Variants in BRI3 observed in about 807,000 individuals in gnomAD.
The protein encoded by BRI3 is membrane protein BRI3.
In BRI3, 6 loss-of-function variants were observed where a neutral mutation model predicts 12.8. That is an observed-to-expected ratio of 0.47 (90% confidence interval 0.26 to 0.93). BRI3 has a LOEUF of 0.93. BRI3 is among the 40% of genes least tolerant of loss of function. The pLI is 0.15. For missense variants in BRI3, 134 were observed against 171.1 expected (o/e 0.78, Z 1.21); for synonymous variants, 91 against 76.1 (o/e 1.20, Z -1.02).
downstream of BRI3, chr7:98,310,663 G>GTT (rs1278404391): frequency 6.9e-4 from 642 of 933,510 alleles, no homozygotes; most frequent in Middle Eastern, 1.9e-3. Context: ...TCCCAAGGCT[G>GTT]TTTTTTTTTT....
At chr7:98,307,286 C>T (rs1800695592) in intron 1 of BRI3, 4 of 556,552 alleles carry the variant, frequency 7.2e-6, no homozygotes, top group South Asian at 1.0e-4. Flanking sequence ...TTGTATTTTT[C>T]GTAGAGATGG....
chr7:98,294,053 C>A (rs751704840), downstream of BRI3: 1 of 1,613,230 alleles, frequency 6.2e-7, no homozygotes, highest in South Asian at 1.1e-5. Flanking sequence ...CACTGAGGCT[C>A]ACGTAGGAAG....
At chr7:98,302,922 C>A (rs1800487490), upstream of BRI3, among the ~76,000 whole-genome samples, 1 of 152,144 alleles carries the variant, frequency 6.6e-6, no homozygotes, top group East Asian at 1.9e-4. Flanking sequence ...ACAGCTGGGA[C>A]TACAGACATG....
At chr7:98,281,967 C>T (rs1334728817) in intron 1 of BRI3, 30 bp downstream of exon 1, 1 of 1,286,218 alleles carries the variant, frequency 7.8e-7, no homozygotes, top group Non-Finnish European at 9.8e-7. Flanking sequence ...TCCCCGCCGG[C>T]GGCTTCCGAG....
chr7:98,308,480 C>A (rs764631220), exon 2 of BRI3: 1 of 364,874 alleles, frequency 2.7e-6, no homozygotes, highest in Non-Finnish European at 5.4e-6. Flanking sequence ...CGCCAGGCTC[C>A]CAGGAGGAAG....
At chr7:98,305,960 G>A (rs886483249), upstream of BRI3, among the ~76,000 whole-genome samples, 5 of 152,164 alleles carry the variant, frequency 3.3e-5, no homozygotes, top group African/African-American at 9.7e-5. Flanking sequence ...TGGACCCAGG[G>A]TGACTCCCAA....
In BRI3 at chr7:98,300,636, C is replaced by T. The variant is rs565185474; in HGVS notation, c.72-5847C>T. 1.7e-4 allele frequency among the ~76,000 whole-genome samples: 26 copies of T among 152,234 alleles called. No individual in the cohort carries two copies. In the South Asian group the frequency reaches 4.8e-3, roughly 28 times the overall value. ...TCCCTTTCTCCATTTCACGAGGCCC[C>T]GCTATCCCTCTACCTCCCCAGGAGG... is the stretch of plus-strand genomic sequence containing the variant. On this transcript the variant is annotated intron_variant and NMD_transcript_variant, in intron 1 of 2. Coordinates refer to the BRI3 transcript ENST00000491463.
downstream of BRI3, chr7:98,292,697 C>A: frequency 6.4e-7 from 1 of 1,551,666 alleles, no homozygotes; most frequent in Non-Finnish European, 8.7e-7. Flanking sequence ...CTGATTCAAA[C>A]ACGGAGAAAC....
chr7:98,304,163 G>T, upstream of BRI3: 1 of 1,530,022 alleles, frequency 6.5e-7, no homozygotes, highest in Admixed American at 2.2e-5. Context: ...GGCGAGTCCA[G>T]GACCCAGGAC....
chr7:98,310,348 A>C (rs554138780), exon 2 of BRI3: 1 of 1,395,168 alleles, frequency 7.2e-7, no homozygotes, highest in Admixed American at 2.6e-5. Context: ...GTTTACCTCC[A>C]AACCTTGCAA....
downstream of BRI3, among the ~76,000 whole-genome samples, chr7:98,295,267 C>T (rs1042983493): frequency 3.3e-5 from 5 of 152,138 alleles, no homozygotes; most frequent in African/African-American, 9.6e-5. Flanking sequence ...AGTTTGGGAG[C>T]CCCAGGGCTG....
At chr7:98,308,668 A>G (rs944351191) in exon 2 of BRI3, 5 of 230,900 alleles carry the variant, frequency 2.2e-5, no homozygotes, top group African/African-American at 1.1e-4. Context: ...GTAGAAAAAA[A>G]TATATATATA....
intron 2 of BRI3, among the ~76,000 whole-genome samples, chr7:98,286,958 G>T (rs955141502): frequency 1.3e-5 from 2 of 152,206 alleles, no homozygotes; most frequent in South Asian, 4.1e-4. Flanking sequence ...GGAATCCTGG[G>T]GGGTAGGGAA....
chr7:98,291,312 TTTTA>T lies in BRI3; in HGVS notation c.*73_*76del, dbSNP rs1355342574. 3.1e-5 allele frequency: 49 copies of T among 1,587,410 alleles called. No homozygotes were observed. The highest frequency in any genetic ancestry group is 5.2e-5 in the Admixed American group (3 of 57,282). On this transcript the variant is annotated 3_prime_UTR_variant, in exon 3 of 3. Coordinates refer to ENST00000297290, the MANE Select transcript of BRI3 (RefSeq NM_015379.5). ...CTAATGTAAATGTTGTGTACAATAA[TTTTA>T]TTTGATTAAGCTTCAGGACTGTTTT...
intron 2 of BRI3, among the ~76,000 whole-genome samples, chr7:98,287,580 C>T (rs1441473211): frequency 6.6e-6 from 1 of 152,182 alleles, no homozygotes; most frequent in East Asian, 1.9e-4. Flanking sequence ...AATCCTAGCA[C>T]TCAGGTGGGC....
exon 2 of BRI3, chr7:98,308,069 G>A (rs750966628): frequency 2.5e-5 from 18 of 729,282 alleles, no homozygotes; most frequent in Non-Finnish European, 3.9e-5. Context: ...AAGGAACAGG[G>A]ACTGTTGAGA....
downstream of BRI3, chr7:98,312,111 C>G (rs749542573): frequency 7.5e-6 from 12 of 1,599,584 alleles, no homozygotes; most frequent in East Asian, 1.1e-4. Flanking sequence ...TTGCTTCTCT[C>G]GATCATGGGT....
At chr7:98,289,364 C>A (rs1306322043) in intron 2 of BRI3, among the ~76,000 whole-genome samples, 6 of 152,226 alleles carry the variant, frequency 3.9e-5, no homozygotes, top group Non-Finnish European at 5.9e-5. Flanking sequence ...GTTTGGGCTC[C>A]CCAGCCTGCT....
chr7:98,313,228 G>A (rs531115216), downstream of BRI3, among the ~76,000 whole-genome samples: 10 of 151,996 alleles, frequency 6.6e-5, no homozygotes, highest in South Asian at 2.1e-3. Context: ...CCACAGAAAG[G>A]ACTGAGGCGC....
Sources: gnomAD v4.1 joint callset for allele counts (sites outside exome capture counted in the v4.1 genomes callset) on GRCh38, gnomAD v4.1.1 for gene constraint, MANE v1.5 for transcripts, NCBI Gene and HGNC (gene_info 2026-07-23, HGNC 2026-07-21) for gene names.